POLR3B: variants seen among roughly 807,000 people sequenced by gnomAD.
POLR3B encodes RNA polymerase III subunit B, also known as DNA-directed RNA polymerase III subunit RPC2.
In POLR3B, 96 loss-of-function variants were observed where a neutral mutation model predicts 147.4. The observed-to-expected ratio is 0.65, with a 90% confidence interval of 0.55 to 0.77. The LOEUF is 0.77. Ranked by LOEUF, POLR3B falls within the 30% of genes least tolerant of loss-of-function variation. The pLI is 0.00. For missense variants in POLR3B, 1,036 were observed against 1,413.5 expected (o/e 0.73, Z 4.28); for synonymous variants, 461 against 485.9 (o/e 0.95, Z 0.67).
rs2136879253 is a variant in POLR3B, at chr12:106,363,876, T to C, written c.79T>C (p.Trp27Arg). The change falls in exon 2 of 28, where the codon TGG becomes CGG. Residue 27 changes from tryptophan to arginine, a missense_variant. By Grantham distance (101) the Trp-to-Arg change is moderately radical. Transcript: ENST00000228347. The part of the protein sequence containing the change: ...AAPIPTVEEK[W>R]RLLPAFLKVK... ...TTCTTGTTTTGGCTCACAGGAAAAATGGAGGCTGCTTCCAGCATTTTTAAA... is the reference window on the plus strand; with the variant it reads ...TTCTTGTTTTGGCTCACAGGAAAAACGGAGGCTGCTTCCAGCATTTTTAAA... 1 of 1,608,664 alleles carries C rather than the reference T, an allele frequency of 6.2e-7. No individual in the cohort carries two copies. Among genetic ancestry groups the C allele is most frequent in the Non-Finnish European group, 8.5e-7 (1 of 1,175,492 alleles).
intron 19 of POLR3B, among the ~76,000 whole-genome samples, chr12:106,447,067 A>G (rs1228578793): frequency 6.6e-6 from 1 of 152,326 alleles, no homozygotes; most frequent in South Asian, 2.1e-4. Context: ...CATTTTTACT[A>G]TGAGCCATTG....
In POLR3B at chr12:106,509,662, C is replaced by A; in HGVS notation, c.*113C>A. On this transcript the variant is annotated 3_prime_UTR_variant, in exon 28 of 28. Transcript: ENST00000228347. ...TGAAGAATTCCCTTGCGTATTCTCT[C>A]TCTAAAACAACCAAAAAAAAATGGA... The A allele has an allele frequency of 1.0e-6, 1 of 1,004,750 alleles. No homozygotes were observed. Among genetic ancestry groups the A allele is most frequent in the Non-Finnish European group, 1.5e-6 (1 of 666,652 alleles). 62.2% of individuals were successfully genotyped at this position (1,004,750 alleles called of 1,614,324 possible).
chr12:106,364,862 G>A (rs772311474), intron 2 of POLR3B, among the ~76,000 whole-genome samples: 21 of 152,340 alleles, frequency 1.4e-4, no homozygotes, highest in Non-Finnish European at 2.1e-4. Context: ...GAGGCCGGGC[G>A]CGGTGGCTCA....
chr12:106,455,269 G>A (rs772445833), intron 20 of POLR3B, among the ~76,000 whole-genome samples: 1 of 152,104 alleles, frequency 6.6e-6, no homozygotes, highest in Non-Finnish European at 1.5e-5. Context: ...TGGTTTGTTA[G>A]ACATCACCTG....
At chr12:106,426,216 T>A (rs1281677655) in intron 12 of POLR3B, among the ~76,000 whole-genome samples, 3 of 132,906 alleles carry the variant, frequency 2.3e-5, no homozygotes, top group African/African-American at 8.8e-5. Context: ...GGGCAGGGCC[T>A]GCAATTTGTG....
chr12:106,426,024 C>T (rs766087119), intron 12 of POLR3B, among the ~76,000 whole-genome samples: 6 of 151,932 alleles, frequency 3.9e-5, no homozygotes, highest in East Asian at 3.9e-4. Flanking sequence ...TTTCATTATA[C>T]GAGTCTACCA....
rs548121745 is a variant in POLR3B at position 106,509,345 on chromosome 12, C to T, written c.3273-75C>T. 190 of 1,457,194 alleles carry T rather than the reference C, an allele frequency of 1.3e-4. 3 individuals carry two copies. In the South Asian group the frequency reaches 1.5e-3, roughly 11 times the overall value. 90.3% of individuals were successfully genotyped at this position (1,457,194 alleles called of 1,614,324 possible). On this transcript the variant is annotated intron_variant, in intron 27 of 27. Transcript: ENST00000228347. ...GAATGATAATAGAACTTTATAGAGA[C>T]CATTCTCACTTCCTACGTGGAGGCC...
intron 12 of POLR3B, among the ~76,000 whole-genome samples, chr12:106,412,047 C>T (rs1249203473): frequency 6.6e-6 from 1 of 152,202 alleles, no homozygotes; most frequent in Admixed American, 6.5e-5. Flanking sequence ...TTCAACGTCT[C>T]AGTCACTTGT....
chr12:106,464,025 AGTTATCC>A (rs1347790166), intron 23 of POLR3B, among the ~76,000 whole-genome samples: 1 of 152,014 alleles, frequency 6.6e-6, no homozygotes, highest in African/African-American at 2.4e-5. Context: ...GACACCTCAG[AGTTATCC>A]GTCCCCTTGT....
Position 106,378,148 on chromosome 12 carries a change from G to A in POLR3B, c.497-119G>A, listed in dbSNP as rs1176787964. The stretch of plus-strand genomic sequence containing the variant: ...AGCAACCCCTTTGAATCAAGTGTTA[G>A]CCAGTGCCATGAAGCAGTAGTAGAA... On this transcript the variant is annotated intron_variant, in intron 7 of 27. Transcript: ENST00000228347. The A allele has an allele frequency of 5.2e-6, 4 of 766,876 alleles. No homozygotes were observed. The African/African-American group carries it at 6.8e-5, about 13-fold the overall frequency. 47.5% of individuals were successfully genotyped at this position (766,876 alleles called of 1,614,324 possible).
At chr12:106,383,331 A>T (rs1366617873) in intron 9 of POLR3B, among the ~76,000 whole-genome samples, 1 of 152,144 alleles carries the variant, frequency 6.6e-6, no homozygotes, top group African/African-American at 2.4e-5. Context: ...GATTTCCTTC[A>T]AGAACTTTTC....
At chr12:106,507,773 A>T (rs1393120381) in intron 27 of POLR3B, 3 of 455,846 alleles carry the variant, frequency 6.6e-6, no homozygotes, top group African/African-American at 6.0e-5. Flanking sequence ...TACCACCACC[A>T]CGTGCACATT....
In POLR3B at chr12:106,386,342, C is replaced by CA. The variant is rs61272699; in HGVS notation, c.723+6218dup. On this transcript the variant is annotated intron_variant, in intron 9 of 27. Transcript: ENST00000228347. ...TGGGTGACAGAGGGAGACTCCGTCTCAAAAAAAAAAAAAAAGAAAACTTTA... is the reference window on the plus strand; with the variant it reads ...TGGGTGACAGAGGGAGACTCCGTCTCAAAAAAAAAAAAAAAAGAAAACTTTA... Among the ~76,000 whole-genome samples the CA allele has an allele frequency of 4.1e-3, 428 of 104,810 alleles. 7 individuals are homozygous for CA. Among genetic ancestry groups the CA allele is most frequent in the Middle Eastern group, 5.6e-3 (1 of 178 alleles). 68.8% of individuals were successfully genotyped at this position (104,810 alleles called of 152,430 possible).
intron 22 of POLR3B, among the ~76,000 whole-genome samples, chr12:106,462,408 C>T (rs111404032): frequency 0.012 from 1,754 of 152,230 alleles, 12 homozygotes; most frequent in South Asian, 0.022. Context: ...CCACTATGCC[C>T]GGCTAATTTT....
rs542569389 is a variant in POLR3B at position 106,375,919 on chromosome 12, C to G, written c.405-440C>G. Reference sequence around the variant, plus strand: ...GGAGTGCAGTGGTGTGATCCTGGCTCACGGCAGCTTCCACCTCCAAGTTCA... The same window carrying G: ...GGAGTGCAGTGGTGTGATCCTGGCTGACGGCAGCTTCCACCTCCAAGTTCA... On this transcript the variant is annotated intron_variant, in intron 6 of 27. Coordinates refer to ENST00000228347, the MANE Select transcript of POLR3B (RefSeq NM_018082.6). Among the ~76,000 whole-genome samples the G allele has an allele frequency of 1.6e-4, 24 of 152,262 alleles. No homozygotes were observed. In the East Asian group the frequency reaches 3.7e-3, roughly 23 times the overall value.
chr12:106,439,808 G>T (rs917070415), intron 18 of POLR3B, among the ~76,000 whole-genome samples: 1 of 152,038 alleles, frequency 6.6e-6, no homozygotes, highest in Non-Finnish European at 1.5e-5. Flanking sequence ...TATAATCCCA[G>T]CAATTTGGGA....
At chr12:106,437,476 A>G (rs1476784749) in intron 17 of POLR3B, among the ~76,000 whole-genome samples, 1 of 152,114 alleles carries the variant, frequency 6.6e-6, no homozygotes, top group African/African-American at 2.4e-5. Context: ...AGAGTTACAG[A>G]CAGACACTTT....
chr12:106,413,368 T>C (rs893726341), intron 12 of POLR3B, among the ~76,000 whole-genome samples: 6 of 152,168 alleles, frequency 3.9e-5, no homozygotes, highest in South Asian at 4.1e-4. Context: ...TTATCTCCCA[T>C]CATTTACTAG....
chr12:106,441,336 TAAAC>T (rs146348207), intron 18 of POLR3B, among the ~76,000 whole-genome samples: 50,069 of 151,728 alleles, frequency 0.33, 10,815 homozygotes, highest in African/African-American at 0.62. Context: ...GTAGTGTACT[TAAAC>T]AAACCTAGAT....
Sources: allele counts gnomAD v4.1 joint callset (sites outside exome capture counted in the v4.1 genomes callset), GRCh38; gene constraint gnomAD v4.1.1; transcripts MANE v1.5; gene names NCBI Gene and HGNC (gene_info 2026-07-23, HGNC 2026-07-21).